The following GRB2 variants were observed in gnomAD, a reference collection of about 807,000 sequenced individuals.
GRB2 encodes the protein growth factor receptor-bound protein 2.
A neutral mutation model predicts 27.4 loss-of-function variants in GRB2; 2 were observed. The ratio of observed to expected loss-of-function variants is 0.07; its 90% CI spans 0.03 to 0.23. The LOEUF is 0.23. GRB2 is among the 10% of genes least tolerant of loss of function. The pLI is 1.00. For missense variants in GRB2, 102 were observed against 282.4 expected (o/e 0.36, Z 4.58); for synonymous variants, 94 against 99.6 (o/e 0.94, Z 0.33).
chr17:75,337,904 T>C lies in GRB2; in HGVS notation c.79-5107A>G, dbSNP rs2164242. Among the ~76,000 whole-genome samples, 829 of 103,382 alleles carry C rather than the reference T, an allele frequency of 8.0e-3. 4 individuals carry two copies. The highest frequency in any genetic ancestry group is 0.012 in the African/African-American group (354 of 29,090). 67.8% of individuals were successfully genotyped at this position (103,382 alleles called of 152,430 possible). On this transcript the variant is annotated intron_variant, in intron 2 of 5. Transcript: ENST00000316804. ...ACTACTACTACTACTACTACTACTA[T>C]TATTATTATTATTATTATTATTATT... is the stretch of plus-strand genomic sequence containing the variant.
intron 2 of GRB2, among the ~76,000 whole-genome samples, chr17:75,335,789 A>C (rs1034389043): frequency 2.6e-5 from 4 of 152,246 alleles, no homozygotes; most frequent in Non-Finnish European, 4.4e-5. Context: ...GTATTGATGA[A>C]AACTTTCTTC....
At position 75,341,433 on chromosome 17, in the gene GRB2, CAG is replaced by C. The variant is rs1244260000; in HGVS notation, c.79-8638_79-8637del. On this transcript the variant is annotated intron_variant, in intron 2 of 5. Transcript: ENST00000316804. ...CGCCATTGCACTCTAGCCTGGGTGACAGAGTGACTCCATTAAAAAAAAAAAAA... is the reference window on the plus strand; with the variant it reads ...CGCCATTGCACTCTAGCCTGGGTGACAGTGACTCCATTAAAAAAAAAAAAA... Among the ~76,000 whole-genome samples, 10 of 115,552 alleles carry C rather than the reference CAG, an allele frequency of 8.7e-5. No homozygotes were observed. In the East Asian group the frequency reaches 2.3e-3, roughly 26 times the overall value. 75.8% of individuals were successfully genotyped at this position (115,552 alleles called of 152,430 possible). A position where few individuals can be genotyped will look rare whatever the true frequency, so the allele number is the denominator to read the frequency against.
At chr17:75,353,285 T>C (rs967114291) in intron 2 of GRB2, among the ~76,000 whole-genome samples, 10 of 151,974 alleles carry the variant, frequency 6.6e-5, no homozygotes, top group South Asian at 2.1e-4. Context: ...AGTCCCACAG[T>C]TGGCCCTCTG....
intron 2 of GRB2, among the ~76,000 whole-genome samples, chr17:75,384,072 A>C (rs901248514): frequency 3.9e-5 from 6 of 152,168 alleles, no homozygotes; most frequent in Non-Finnish European, 7.3e-5. Context: ...ATTCTTTACA[A>C]TACTTCAGAT....
At chr17:75,393,334 T>G in intron 2 of GRB2, 1 of 579,756 alleles carries the variant, frequency 1.7e-6, no homozygotes, top group Non-Finnish European at 3.1e-6. Context: ...AAATGAGGCA[T>G]TCACACAAAG....
At chr17:75,401,375 G>T (rs539756518) in intron 1 of GRB2, among the ~76,000 whole-genome samples, 124 of 147,574 alleles carry the variant, frequency 8.4e-4, no homozygotes, top group African/African-American at 3.0e-3. Context: ...AACCCGGGAA[G>T]CGGAGCTTGC....
chr17:75,367,376 T>C (rs1164945642), intron 2 of GRB2, among the ~76,000 whole-genome samples: 1 of 152,134 alleles, frequency 6.6e-6, no homozygotes, highest in Non-Finnish European at 1.5e-5. Flanking sequence ...AGAGTTTTGC[T>C]GTGTTGCTCA....
chr17:75,330,017 A>G (rs1175001325), intron 3 of GRB2, among the ~76,000 whole-genome samples: 1 of 152,136 alleles, frequency 6.6e-6, no homozygotes, highest in Non-Finnish European at 1.5e-5. Context: ...TTTGTTGAAT[A>G]GGCTGGAGTG....
intron 2 of GRB2, among the ~76,000 whole-genome samples, chr17:75,385,063 ACAAACAAAC>A (rs2078955237): frequency 1.4e-5 from 1 of 71,066 alleles, no homozygotes; most frequent in African/African-American, 2.8e-5. Flanking sequence ...AAAAAAGCAA[ACAAACAAAC>A]AAACAAAAAA....
At chr17:75,330,828 T>G (rs919575232) in intron 3 of GRB2, among the ~76,000 whole-genome samples, 1 of 152,208 alleles carries the variant, frequency 6.6e-6, no homozygotes, top group Admixed American at 6.5e-5. Flanking sequence ...CCCATCCATA[T>G]GCATTTAGTG....
intron 2 of GRB2, among the ~76,000 whole-genome samples, chr17:75,387,197 C>T (rs1007318883): frequency 2.6e-5 from 4 of 151,818 alleles, no homozygotes; most frequent in Non-Finnish European, 5.9e-5. Flanking sequence ...TTGCCCAGGA[C>T]GGTGGCTCAA....
intron 2 of GRB2, among the ~76,000 whole-genome samples, chr17:75,339,482 T>C (rs997207292): frequency 2.0e-5 from 3 of 151,964 alleles, no homozygotes; most frequent in Non-Finnish European, 4.4e-5. Context: ...AAAATATATA[T>C]ATATATGTAC....
chr17:75,348,153 G>A (rs919298400), intron 2 of GRB2, among the ~76,000 whole-genome samples: 2 of 152,136 alleles, frequency 1.3e-5, no homozygotes, highest in African/African-American at 4.8e-5. Flanking sequence ...TGATCCTCCC[G>A]TCTCAGATCT....
chr17:75,391,195 G>T (rs1021830478), intron 2 of GRB2, among the ~76,000 whole-genome samples: 1 of 151,754 alleles, frequency 6.6e-6, no homozygotes, highest in South Asian at 2.1e-4. Flanking sequence ...AATGGCCACC[G>T]TTCAAAAGCA....
At chr17:75,347,263 G>C (rs11077787) in intron 2 of GRB2, among the ~76,000 whole-genome samples, 90,520 of 151,892 alleles carry the variant, frequency 0.6, 32,320 homozygotes, top group East Asian at 0.87. Context: ...AAAGACAACT[G>C]AAAGCCTGAA....
At chr17:75,401,733 A>G (rs2079065153) in intron 1 of GRB2, among the ~76,000 whole-genome samples, 1 of 152,264 alleles carries the variant, frequency 6.6e-6, no homozygotes, top group Non-Finnish European at 1.5e-5. Context: ...TGGGAATAAT[A>G]ACAGCCAACT....
intron 2 of GRB2, among the ~76,000 whole-genome samples, chr17:75,368,737 C>T (rs1199594904): frequency 2.6e-5 from 4 of 151,662 alleles, no homozygotes; most frequent in South Asian, 2.1e-4. Context: ...TTTGTAGAAA[C>T]GGAGTCTCAC....
intron 3 of GRB2, among the ~76,000 whole-genome samples, chr17:75,332,235 G>T: frequency 6.6e-6 from 1 of 152,146 alleles, no homozygotes; most frequent in East Asian, 1.9e-4. Context: ...TTGTTCTCTT[G>T]TAAGTAGGAA....
At chr17:75,399,831 G>A (rs894074059) in intron 1 of GRB2, among the ~76,000 whole-genome samples, 2 of 150,334 alleles carry the variant, frequency 1.3e-5, no homozygotes, top group Non-Finnish European at 3.0e-5. Context: ...CACCACACCC[G>A]GCTTATTTTT....
Sources: gnomAD v4.1 joint callset for allele counts (sites outside exome capture counted in the v4.1 genomes callset) on GRCh38, gnomAD v4.1.1 for gene constraint, MANE v1.5 for transcripts, NCBI Gene and HGNC (gene_info 2026-07-23, HGNC 2026-07-21) for gene names.